RPLP0: variants seen among roughly 807,000 people sequenced by gnomAD.
The protein encoded by RPLP0 is large ribosomal subunit protein uL10.
For synonymous variants in RPLP0, 137 were observed against 153.4 expected (o/e 0.89, Z 0.79); for missense variants, 276 against 402.9 (o/e 0.69, Z 2.70).
Position 120,197,347 on chromosome 12 carries a change from T to C in RPLP0, c.767A>G (p.Asp256Gly), listed in dbSNP as rs1384411101. The C allele has an allele frequency of 1.9e-6, 3 of 1,613,820 alleles. No homozygotes were observed. Among genetic ancestry groups the C allele is most frequent in the Non-Finnish European group, 2.5e-6 (3 of 1,179,824 alleles). ...KRVLALSVET[D>G]YTFPLAEKVK... is the part of the protein sequence containing the mutation. ...CTTTTCAGCAAGTGGGAAGGTGTAA[T>C]CCGTCTCCACAGACAAGGCCAGGAC... The change falls in exon 7 of 8, where the codon GAT (aspartate) becomes GGT (glycine). Residue 256 changes from aspartate (D) to glycine (G), a missense_variant. Coordinates refer to ENST00000392514, the MANE Select transcript of RPLP0 (RefSeq NM_001002.4).
In RPLP0 at chr12:120,200,943, G is replaced by A. The variant is rs1879434011; in HGVS notation, c.-48-112C>T. 22 of 1,321,312 alleles carry A rather than the reference G, an allele frequency of 1.7e-5. No homozygotes were observed. The South Asian group carries it at 3.2e-4, about 19-fold the overall frequency. 81.8% of individuals were successfully genotyped at this position (1,321,312 alleles called of 1,614,324 possible). A position where few individuals can be genotyped will look rare whatever the true frequency, so the allele number is the denominator to read the frequency against. ...GCCCGCCGGCCCTGCCTAGGGCAGC[G>A]GCCGTCATCTCGGGGCGTGCAAGCC... On this transcript the variant is annotated intron_variant, in intron 1 of 7. Transcript: ENST00000392514.
rs376792519 is a variant in RPLP0 at position 120,197,465 on chromosome 12, G to A, written c.652-3C>T. The A allele has an allele frequency of 5.0e-5, 80 of 1,613,550 alleles. No homozygotes were observed. Among genetic ancestry groups the A allele is most frequent in the Non-Finnish European group, 6.5e-5 (77 of 1,179,750 alleles). ...ACACTGGCAACATTGCGGACACCCT[G>A]GGGGAGGGAAGATTTCATTTTACGT... On this transcript the variant is annotated splice_region_variant and splice_polypyrimidine_tract_variant and intron_variant, in intron 6 of 7. Transcript: ENST00000392514.
rs1337031699 is a variant in RPLP0, at chr12:120,199,498, A to G, written c.55-13T>C. The G allele has an allele frequency of 6.2e-7, 1 of 1,610,768 alleles. No homozygotes were observed. Among genetic ancestry groups the G allele is most frequent in the South Asian group, 1.1e-5 (1 of 90,844 alleles). ...CATCCAATAGTTGCTACAAAAAACA[A>G]GCCAGAGGAGCCAAGTTTAACAGGA... On this transcript the variant is annotated splice_polypyrimidine_tract_variant and intron_variant, in intron 2 of 7. Transcript: ENST00000392514.
intron 2 of RPLP0, chr12:120,199,906 C>G (rs57298076): frequency 8.0e-4 from 322 of 401,034 alleles, no homozygotes; most frequent in African/African-American, 6.3e-3. Context: ...CGTGTTTATC[C>G]GGATTGTTAC....
At chr12:120,200,636 G>A in intron 2 of RPLP0, 94 bp downstream of exon 2, 2 of 1,361,948 alleles carry the variant, frequency 1.5e-6, no homozygotes, top group Admixed American at 2.4e-5. Flanking sequence ...TAATTCAGTA[G>A]CCGGTGTGAG....
At chr12:120,200,069 T>G in intron 2 of RPLP0, 1 of 456,078 alleles carries the variant, frequency 2.2e-6, no homozygotes. Context: ...CAAAAGTCAT[T>G]GGACACTTAA....
In RPLP0 at chr12:120,197,389, A is replaced by G. The variant is rs1018020151; in HGVS notation, c.725T>C (p.Ile242Thr). Residue 242 changes from isoleucine (I) to threonine (T), a missense_variant, in exon 7 of 8, where the codon ATC (isoleucine) becomes ACC (threonine). Ile to Thr is a moderately conservative substitution (Grantham distance 89, BLOSUM62 -1). Transcript: ENST00000392514. ...PTVASVPHSI[I>T]NGYKRVLALS... ...GGCCAGGACTCGTTTGTACCCGTTG[A>G]TGATAGAATGGGGTACTGATGCAAC... 6.2e-7 allele frequency: 1 copy of G among 1,613,758 alleles called. No individual in the cohort carries two copies. The highest frequency in any genetic ancestry group is 8.5e-7 in the Non-Finnish European group (1 of 1,179,674).
chr12:120,197,507 A>T, intron 6 of RPLP0, 45 bp from the exon 7 acceptor site: 1 of 1,591,300 alleles, frequency 6.3e-7, no homozygotes, highest in Non-Finnish European at 8.6e-7. Context: ...CCCTACAGGA[A>T]AGGAAGTCCA....
Position 120,199,379 on chromosome 12 carries a change from A to C in RPLP0, c.161T>G (p.Leu54Arg). Residue 54 changes from leucine (L) to arginine (R), a missense_variant, in exon 3 of 8, where the codon CTG (leucine) becomes CGG (arginine). Coordinates refer to ENST00000392514, the MANE Select transcript of RPLP0 (RefSeq NM_001002.4). ...RMSLRGKAVV[L>R]MGKNTMMRKA... ...GCGCATCATGGTGTTCTTGCCCATC[A>C]GCACCACAGCCTTCCCGCGAAGGGA... 1 of 1,614,200 alleles carries C rather than the reference A, an allele frequency of 6.2e-7. No homozygotes were observed. The highest frequency in any genetic ancestry group is 8.5e-7 in the Non-Finnish European group (1 of 1,180,032).
At position 120,197,386 on chromosome 12, in the gene RPLP0, T is replaced by C. The variant is rs112094735; in HGVS notation, c.728A>G (p.Asn243Ser). 58 of 1,613,778 alleles carry C rather than the reference T, an allele frequency of 3.6e-5. No homozygotes were observed. In the East Asian group the frequency reaches 8.2e-4, roughly 23 times the overall value. ...CAAGGCCAGGACTCGTTTGTACCCG[T>C]TGATGATAGAATGGGGTACTGATGC... The part of the protein sequence containing the change: ...TVASVPHSII[N>S]GYKRVLALSV... The change falls in exon 7 of 8, where the codon AAC (asparagine) becomes AGC (serine). Residue 243 changes from asparagine (N) to serine (S), a missense_variant. Transcript: ENST00000392514.
rs1481076192 is a variant in RPLP0 at position 120,200,799 on chromosome 12, G to A, written c.-16C>T. On this transcript the variant is annotated 5_prime_UTR_variant, in exon 2 of 8. Coordinates refer to ENST00000392514, the MANE Select transcript of RPLP0 (RefSeq NM_001002.4). ...CCCTGGGCATCACGGCGGTGCGTCA[G>A]GGATTGCCACGCAGGGTTTAAAGAC... 3 of 1,609,572 alleles carry A rather than the reference G, an allele frequency of 1.9e-6. No individual in the cohort carries two copies. The highest frequency in any genetic ancestry group is 2.5e-6 in the Non-Finnish European group (3 of 1,178,818).
chr12:120,198,528 G>A lies in RPLP0; in HGVS notation c.651+26C>T. On this transcript the variant is annotated intron_variant, in intron 6 of 7. Coordinates refer to ENST00000392514, the MANE Select transcript of RPLP0 (RefSeq NM_001002.4). The surrounding 1 kb of genome is among the most constrained non-coding windows in gnomAD (Gnocchi z 4.1). Reference sequence around the variant, plus strand: ...GTCATGCTCTCAACCATCAGTGTAAGAGGGGGCAAGGCTGACAGCATATAC... The same window carrying A: ...GTCATGCTCTCAACCATCAGTGTAAAAGGGGGCAAGGCTGACAGCATATAC... 2 of 1,613,826 alleles carry A rather than the reference G, an allele frequency of 1.2e-6. No individual in the cohort carries two copies. Among genetic ancestry groups the A allele is most frequent in the Non-Finnish European group, 1.7e-6 (2 of 1,179,768 alleles).
Position 120,200,804 on chromosome 12 carries a change from T to A in RPLP0, c.-21A>T. Reference sequence around the variant, plus strand: ...GGCATCACGGCGGTGCGTCAGGGATTGCCACGCAGGGTTTAAAGACGATGT... The same window carrying A: ...GGCATCACGGCGGTGCGTCAGGGATAGCCACGCAGGGTTTAAAGACGATGT... On this transcript the variant is annotated 5_prime_UTR_variant, in exon 2 of 8. Coordinates refer to ENST00000392514, the MANE Select transcript of RPLP0 (RefSeq NM_001002.4). The A allele has an allele frequency of 1.9e-6, 3 of 1,608,934 alleles. No individual in the cohort carries two copies. The highest frequency in any genetic ancestry group is 2.5e-6 in the Non-Finnish European group (3 of 1,178,526).
At chr12:120,199,792 G>T (rs186821650) in intron 2 of RPLP0, 3 of 369,700 alleles carry the variant, frequency 8.1e-6, no homozygotes, top group Non-Finnish European at 1.5e-5. Context: ...GATAAAAAAG[G>T]AATGTTCCAA....
intron 7 of RPLP0, 103 bp from the exon 8 acceptor site, chr12:120,197,037 G>A (rs576850850): frequency 8.4e-5 from 131 of 1,557,842 alleles, no homozygotes; most frequent in Admixed American, 4.9e-4. Context: ...ATCAAAGTCC[G>A]TGTGAAGCCT....
In RPLP0 at chr12:120,201,102, C is replaced by T. The variant is rs144448928; in HGVS notation, c.-68G>A. 1 of 349,090 alleles carries T rather than the reference C, an allele frequency of 2.9e-6. No homozygotes were observed. Among genetic ancestry groups the T allele is most frequent in the Non-Finnish European group, 5.2e-6 (1 of 191,596 alleles). The allele number at this position is 349,090 out of a possible 1,614,324, so 21.6% of individuals were successfully genotyped here. On this transcript the variant is annotated 5_prime_UTR_variant, in exon 1 of 8. Transcript: ENST00000392514. ...ACGAACCTTCCACGAGGACGCCTGGCGAGAGAAGGGCCTCGCGCCCGCGCG... is the reference window on the plus strand; with the variant it reads ...ACGAACCTTCCACGAGGACGCCTGGTGAGAGAAGGGCCTCGCGCCCGCGCG...
intron 3 of RPLP0, 39 bp downstream of exon 3, chr12:120,199,271 G>A: frequency 6.2e-7 from 1 of 1,613,488 alleles, no homozygotes; most frequent in Non-Finnish European, 8.5e-7. Context: ...AGGGAGACGG[G>A]CACTGGGGAG....
At position 120,199,112 on chromosome 12, in the gene RPLP0, C is replaced by G; in HGVS notation, c.318+6G>C. 2 of 1,612,654 alleles carry G rather than the reference C, an allele frequency of 1.2e-6. No homozygotes were observed. Among genetic ancestry groups the G allele is most frequent in the Non-Finnish European group, 1.7e-6 (2 of 1,178,678 alleles). On this transcript the variant is annotated splice_donor_region_variant and intron_variant, in intron 4 of 7. Coordinates refer to ENST00000392514, the MANE Select transcript of RPLP0 (RefSeq NM_001002.4). ...GTCTCTTTAGCCAACCCAATTGTCCCCTTACCTTATTGGCCAGCAACATGT... is the reference window on the plus strand; with the variant it reads ...GTCTCTTTAGCCAACCCAATTGTCCGCTTACCTTATTGGCCAGCAACATGT...
intron 6 of RPLP0, 103 bp from the exon 7 acceptor site, chr12:120,197,565 T>C: frequency 7.2e-7 from 1 of 1,397,232 alleles, no homozygotes; most frequent in Non-Finnish European, 9.9e-7. Flanking sequence ...ATTGCCAGGT[T>C]GGCAGCTCAG....
Sources: allele counts gnomAD v4.1 joint callset, GRCh38; gene constraint gnomAD v4.1.1; non-coding constraint Gnocchi (gnomAD v3.1); transcripts MANE v1.5; gene names NCBI Gene and HGNC (gene_info 2026-07-23, HGNC 2026-07-21).